The following MYOM1 variants were observed in gnomAD, a reference collection of about 807,000 sequenced individuals.
The protein encoded by MYOM1 is myomesin-1.
Under a neutral mutation model 205.3 loss-of-function variants are expected in MYOM1, and 164 were observed. The observed-to-expected ratio is 0.80, with a 90% CI of 0.70 to 0.91. MYOM1 has a LOEUF of 0.91. Among genes scored for constraint, MYOM1 ranks in the 40% least tolerant of loss-of-function variants. MYOM1 has a pLI of 0.00. For synonymous variants in MYOM1, 772 were observed against 789.4 expected (o/e 0.98, Z 0.37); for missense variants, 2,011 against 2,127.3 (o/e 0.95, Z 1.08).
intron 34 of MYOM1, among the ~76,000 whole-genome samples, chr18:3,078,423 ATTTT>A (rs2079045052): frequency 1.4e-5 from 2 of 147,232 alleles, no homozygotes; most frequent in Non-Finnish European, 1.5e-5. Flanking sequence ...AGACTATTTT[ATTTT>A]ATTTATTTTT....
intron 20 of MYOM1, among the ~76,000 whole-genome samples, chr18:3,119,250 G>C (rs2079650782): frequency 6.6e-6 from 1 of 152,050 alleles, no homozygotes; most frequent in Non-Finnish European, 1.5e-5. Context: ...AAAATGCTTA[G>C]AGAGAAAGGG....
rs188178188 is a variant in MYOM1, at chr18:3,175,908, A to G, written c.1022+134T>C. 3.4e-4 allele frequency: 197 copies of G among 584,566 alleles called. 1 individual carries two copies. Among genetic ancestry groups the G allele is most frequent in the African/African-American group, 2.8e-3 (154 of 54,468 alleles). The allele number at this position is 584,566 out of a possible 1,614,324, so 36.2% of individuals were successfully genotyped here. On this transcript the variant is annotated intron_variant, in intron 6 of 37. Coordinates refer to ENST00000356443, the MANE Select transcript of MYOM1 (RefSeq NM_003803.4). ...TCACTTTCAGGTGTGCACCCAGAGAAGCACCGTATACGAATGTCCCTCAGT... is the reference window on the plus strand; with the variant it reads ...TCACTTTCAGGTGTGCACCCAGAGAGGCACCGTATACGAATGTCCCTCAGT...
chr18:3,173,573 C>CGTGTGTGTGTGTGTGT (rs71159051), intron 8 of MYOM1, among the ~76,000 whole-genome samples: 25 of 137,004 alleles, frequency 1.8e-4, no homozygotes, highest in African/African-American at 6.7e-4. Context: ...AGTCCAGACT[C>CGTGTGTGTGTGTGTGT]GTGTGTGTGT....
intron 2 of MYOM1, among the ~76,000 whole-genome samples, chr18:3,208,188 A>G (rs2081149241): frequency 6.6e-6 from 1 of 152,096 alleles, no homozygotes; most frequent in Non-Finnish European, 1.5e-5. Context: ...TTCTCCTTGG[A>G]TTTAGGGTTG....
chr18:3,129,309 T>C lies in MYOM1; in HGVS notation c.2717A>G (p.Glu906Gly), dbSNP rs760763098. ...VSKVSETVQEELTPPPQKAAP... is the reference protein window; with the variant it reads ...VSKVSETVQEGLTPPPQKAAP... Reference sequence around the variant, plus strand: ...CGCTTTCTGTGGTGGCGGGGTAAGCTCTTCCTGAACTGTTTCACTTACTTT... The same window carrying C: ...CGCTTTCTGTGGTGGCGGGGTAAGCCCTTCCTGAACTGTTTCACTTACTTT... Residue 906 changes from glutamate (E) to glycine (G), a missense_variant, in exon 18 of 38, where the codon GAG (glutamate) becomes GGG (glycine). Coordinates refer to ENST00000356443, the MANE Select transcript of MYOM1 (RefSeq NM_003803.4). The C allele has an allele frequency of 5.6e-6, 9 of 1,614,020 alleles. No individual in the cohort carries two copies. The highest frequency in any genetic ancestry group is 7.6e-6 in the Non-Finnish European group (9 of 1,179,890).
Position 3,116,517 on chromosome 18 carries a change from T to TGA in MYOM1, c.3119-4_3119-3dup, listed in dbSNP as rs370426885. ...TACACTTGAGACTGTGCGGTGGTCC[T>TGA]GAGAGAGAGAGAAGCCAATGAGTAG... On this transcript the variant is annotated splice_region_variant and splice_polypyrimidine_tract_variant and intron_variant, in intron 20 of 37. Coordinates refer to ENST00000356443, the MANE Select transcript of MYOM1 (RefSeq NM_003803.4). 2.0e-6 allele frequency: 3 copies of TGA among 1,516,578 alleles called. No homozygotes were observed. The highest frequency in any genetic ancestry group is 2.1e-5 in the Admixed American group (1 of 47,446). The allele number at this position is 1,516,578 out of a possible 1,614,324, so 93.9% of individuals were successfully genotyped here. A position where few individuals can be genotyped will look rare whatever the true frequency, so the allele number is the denominator to read the frequency against.
At position 3,135,835 on chromosome 18, in the gene MYOM1, A is replaced by G; in HGVS notation, c.2026-105T>C. ...TCATCTGCAACAAACCACTCCCTGT[A>G]ATGCAAGCTGGACTGGAGGAGAGAT... On this transcript the variant is annotated intron_variant, in intron 14 of 37. Coordinates refer to ENST00000356443, the MANE Select transcript of MYOM1 (RefSeq NM_003803.4). This position sits in a 1 kb window ranked among gnomAD's most constrained non-coding sequence, Gnocchi z 4.1. 1.6e-6 allele frequency: 2 copies of G among 1,231,970 alleles called. No homozygotes were observed. The highest frequency in any genetic ancestry group is 2.4e-5 in the East Asian group (1 of 40,940). The allele number at this position is 1,231,970 out of a possible 1,614,324, so 76.3% of individuals were successfully genotyped here.
Position 3,135,029 on chromosome 18 carries a change from G to A in MYOM1, c.2210-205C>T, listed in dbSNP as rs2079935666. 3.9e-6 allele frequency: 2 copies of A among 507,840 alleles called. No individual in the cohort carries two copies. The highest frequency in any genetic ancestry group is 7.0e-6 in the Non-Finnish European group (2 of 284,634). 31.5% of individuals were successfully genotyped at this position (507,840 alleles called of 1,614,324 possible). On this transcript the variant is annotated intron_variant, in intron 15 of 37. Transcript: ENST00000356443. This position sits in a 1 kb window ranked among gnomAD's most constrained non-coding sequence, Gnocchi z 4.1. ...AGTGGCGGGATCTCGGCTCACTGCA[G>A]CCCCCACCTCCTGGGTTCAGGCAAT... is the stretch of plus-strand genomic sequence containing the variant.
chr18:3,210,048 T>A (rs2081172384), intron 2 of MYOM1, among the ~76,000 whole-genome samples: 1 of 152,192 alleles, frequency 6.6e-6, no homozygotes, highest in Admixed American at 6.5e-5. Context: ...TACATGATTA[T>A]CTCTTTTCGA....
chr18:3,083,728 G>A, intron 33 of MYOM1, 61 bp downstream of exon 33: 1 of 1,337,596 alleles, frequency 7.5e-7, no homozygotes, highest in Non-Finnish European at 1.0e-6. Context: ...TTACAGGTGT[G>A]AGCTGCCGCG....
chr18:3,129,454 T>A lies in MYOM1; in HGVS notation c.2572A>T (p.Arg858Trp). 1 of 1,613,928 alleles carries A rather than the reference T, an allele frequency of 6.2e-7. No homozygotes were observed. The highest frequency in any genetic ancestry group is 8.5e-7 in the Non-Finnish European group (1 of 1,179,858). The change falls in exon 18 of 38, where the codon AGG becomes TGG. Residue 858 changes from arginine to tryptophan, a missense_variant. Coordinates refer to ENST00000356443, the MANE Select transcript of MYOM1 (RefSeq NM_003803.4). The stretch of plus-strand genomic sequence containing the variant: ...GGGGAGGCTTCATGCACGCGCCCCC[T>A]GGAGGCGGTTAGTCCACCAGGCTCA... ...SDEPGGLTASRGRVHEASPPT... is the reference protein window; with the variant it reads ...SDEPGGLTASWGRVHEASPPT...
intron 25 of MYOM1, among the ~76,000 whole-genome samples, chr18:3,096,104 C>G (rs1403086184): frequency 6.6e-6 from 1 of 152,102 alleles, no homozygotes; most frequent in Non-Finnish European, 1.5e-5. Flanking sequence ...GAATGCTGGC[C>G]GCCTTGAATG....
At chr18:3,122,076 G>A (rs1158592623) in intron 19 of MYOM1, among the ~76,000 whole-genome samples, 1 of 152,092 alleles carries the variant, frequency 6.6e-6, no homozygotes, top group Non-Finnish European at 1.5e-5. Context: ...TCAAGATCAT[G>A]CCACTGTACT....
intron 10 of MYOM1, among the ~76,000 whole-genome samples, chr18:3,162,877 T>A (rs1207713102): frequency 2.0e-5 from 3 of 151,766 alleles, no homozygotes; most frequent in Admixed American, 6.6e-5. Context: ...TACAAAAAAA[T>A]TAGCCGGGCA....
intron 6 of MYOM1, among the ~76,000 whole-genome samples, chr18:3,174,934 T>G (rs1326507702): frequency 6.6e-6 from 1 of 152,184 alleles, no homozygotes; most frequent in Non-Finnish European, 1.5e-5. Flanking sequence ...GAGAGAATGG[T>G]TTCATGGAGA....
At chr18:3,143,851 T>C (rs933745561) in intron 13 of MYOM1, among the ~76,000 whole-genome samples, 5 of 129,622 alleles carry the variant, frequency 3.9e-5, no homozygotes, top group East Asian at 2.3e-4. Flanking sequence ...CAGTGAGCCA[T>C]GATCATGCCA....
rs1567891329 is a variant in MYOM1, at chr18:3,075,434, T to C, written c.4708+20A>G. On this transcript the variant is annotated intron_variant, in intron 36 of 37. Transcript: ENST00000356443. ...CTATCCCAGGAGTACTTGTGAAAAG[T>C]AAAAAAAAAGTTTACTTACTTTTCT... is the stretch of plus-strand genomic sequence containing the variant. 12 of 1,594,228 alleles carry C rather than the reference T, an allele frequency of 7.5e-6. No individual in the cohort carries two copies. The highest frequency in any genetic ancestry group is 1.0e-5 in the Non-Finnish European group (12 of 1,163,906).
chr18:3,077,158 G>A (rs1567892481), intron 34 of MYOM1, among the ~76,000 whole-genome samples: 1 of 151,878 alleles, frequency 6.6e-6, no homozygotes, highest in Non-Finnish European at 1.5e-5. Context: ...GACTATAGGT[G>A]TGTGCCACCA....
At chr18:3,162,516 C>T (rs1042850486) in intron 10 of MYOM1, among the ~76,000 whole-genome samples, 2 of 152,154 alleles carry the variant, frequency 1.3e-5, no homozygotes, top group Non-Finnish European at 2.9e-5. Flanking sequence ...CACTTTCCCA[C>T]GTGTCCCAGC....
Sources: gnomAD v4.1 joint callset for allele counts (sites outside exome capture counted in the v4.1 genomes callset) on GRCh38, gnomAD v4.1.1 for gene constraint, Gnocchi (gnomAD v3.1) non-coding constraint, MANE v1.5 for transcripts, NCBI Gene and HGNC (gene_info 2026-07-23, HGNC 2026-07-21) for gene names.